The following A2ML1 variants were observed in gnomAD, a reference collection of about 807,000 sequenced individuals.
A2ML1 encodes alpha-2-macroglobulin-like protein 1.
A2ML1 carries 161 observed loss-of-function variants against 181.9 expected under a neutral mutation model. The observed-to-expected ratio is 0.89, with a 90% CI of 0.78 to 1.01. The LOEUF is 1.01. Ranked by LOEUF, A2ML1 falls within the 50% of genes least tolerant of loss-of-function variation. The probability of loss-of-function intolerance (pLI) is 0.00; values close to 1 mark genes in which losing one functional copy is unlikely to be tolerated. For synonymous variants in A2ML1, 663 were observed against 666.8 expected (o/e 0.99, Z 0.09); for missense variants, 1,670 against 1,768.1 (o/e 0.94, Z 1.00).
At chr12:8,848,024 G>A (rs1294571822) in intron 15 of A2ML1, among the ~76,000 whole-genome samples, 2 of 148,136 alleles carry the variant, frequency 1.4e-5, no homozygotes, top group Non-Finnish European at 3.0e-5. Context: ...ATGGGCCCAT[G>A]CCTGTAATCC....
intron 7 of A2ML1, among the ~76,000 whole-genome samples, chr12:8,885,901 C>A (rs1002372232): frequency 2.0e-5 from 3 of 152,090 alleles, no homozygotes; most frequent in Non-Finnish European, 4.4e-5. Context: ...TTTCCCACTA[C>A]ATTACAGCAT....
chr12:8,872,783 C>CAAAAAAA (rs570693086), intron 33 of A2ML1, among the ~76,000 whole-genome samples: 1 of 68,684 alleles, frequency 1.5e-5, no homozygotes, highest in African/African-American at 4.7e-5. Context: ...GACTCCATCT[C>CAAAAAAA]AAAAAAAAAA....
chr12:8,864,083 G>A, intron 29 of A2ML1, 75 bp downstream of exon 29: 2 of 1,392,658 alleles, frequency 1.4e-6, no homozygotes, highest in Non-Finnish European at 2.0e-6. Flanking sequence ...AAAACATATT[G>A]TCCTTGCCTT....
At chr12:8,842,555 C>T (rs766067032) in intron 11 of A2ML1, among the ~76,000 whole-genome samples, 1 of 152,066 alleles carries the variant, frequency 6.6e-6, no homozygotes, top group African/African-American at 2.4e-5. Flanking sequence ...CCCAACAAAT[C>T]GAACAGTGGG....
chr12:8,838,531 C>T (rs1943362482), intron 9 of A2ML1, 81 bp downstream of exon 9: 4 of 1,024,948 alleles, frequency 3.9e-6, no homozygotes, highest in Non-Finnish European at 5.9e-6. Context: ...TCCAAGTATA[C>T]AAGACCTACC....
At chr12:8,861,565 C>G (rs190071869) in intron 28 of A2ML1, among the ~76,000 whole-genome samples, 24 of 149,850 alleles carry the variant, frequency 1.6e-4, no homozygotes, top group Admixed American at 1.3e-4. Flanking sequence ...TCGGCTCACT[C>G]CAAGTTCCGC....
In A2ML1 at chr12:8,857,272, A is replaced by C. The variant is rs767133069; in HGVS notation, c.2957A>C (p.Gln986Pro). ...VLFAPIIYVLQYLEKAGLLTE... is the reference protein window; with the variant it reads ...VLFAPIIYVLPYLEKAGLLTE... The stretch of plus-strand genomic sequence containing the variant: ...TTTGCTCCCATCATCTATGTCTTGC[A>C]GTACCTGGAGAAGGCAGGGCTGCTG... The change falls in exon 24 of 36, where the codon CAG becomes CCG. Residue 986 changes from glutamine (Q) to proline (P), a missense_variant. Coordinates refer to ENST00000299698, the MANE Select transcript of A2ML1 (RefSeq NM_144670.6). 6.2e-7 allele frequency: 1 copy of C among 1,613,868 alleles called. No homozygotes were observed. Among genetic ancestry groups the C allele is most frequent in the South Asian group, 1.1e-5 (1 of 91,072 alleles).
Position 8,835,636 on chromosome 12 carries a change from A to C in A2ML1, c.613A>C (p.Thr205Pro). The change falls in exon 6 of 36, where the codon ACC becomes CCC. Residue 205 changes from threonine (T) to proline (P), a missense_variant. Thr to Pro is a conservative substitution (Grantham distance 38). Coordinates refer to ENST00000299698, the MANE Select transcript of A2ML1 (RefSeq NM_144670.6). ...TYTVAVAEGK[T>P]FGTFSVEEYV... is the part of the protein sequence containing the mutation. ...CACTGTGGCAGTGGCTGAGGGCAAG[A>C]CCTTTGGTACTTTCAGTGTGGAGGA... The C allele has an allele frequency of 6.2e-7, 1 of 1,614,184 alleles. No homozygotes were observed. Among genetic ancestry groups the C allele is most frequent in the South Asian group, 1.1e-5 (1 of 91,086 alleles).
intron 3 of A2ML1, among the ~76,000 whole-genome samples, chr12:8,828,683 A>C (rs1439777100): frequency 6.6e-6 from 1 of 152,036 alleles, no homozygotes; most frequent in Non-Finnish European, 1.5e-5. Context: ...GTCTCTCCCC[A>C]TAGTCACCAC....
At chr12:8,876,791 A>G (rs1200718820), downstream of A2ML1, 1 of 152,194 alleles carries the variant, frequency 6.6e-6, no homozygotes, top group Non-Finnish European at 1.5e-5. Context: ...AAATCTGTGC[A>G]TTTAGTTCTA....
At chr12:8,832,012 A>G (rs762563827) in intron 4 of A2ML1, among the ~76,000 whole-genome samples, 1 of 152,162 alleles carries the variant, frequency 6.6e-6, no homozygotes, top group African/African-American at 2.4e-5. Context: ...GGCCTCCCAA[A>G]GTGCTGGGAT....
chr12:8,843,820 G>T (rs1056548798), intron 12 of A2ML1, among the ~76,000 whole-genome samples: 90 of 150,670 alleles, frequency 6.0e-4, no homozygotes, highest in South Asian at 1.9e-3. Context: ...CCAGGTTCAC[G>T]CCATTCTCCT....
In A2ML1 at chr12:8,869,180, A is replaced by G. The variant is rs1440752572; in HGVS notation, c.4198A>G (p.Thr1400Ala). 1.9e-6 allele frequency: 3 copies of G among 1,614,064 alleles called. No homozygotes were observed. Among genetic ancestry groups the G allele is most frequent in the Non-Finnish European group, 2.5e-6 (3 of 1,180,010 alleles). Residue 1400 changes from threonine to alanine, a missense_variant, in exon 33 of 36, where the codon ACA becomes GCA. Thr to Ala is a moderately conservative substitution (Grantham distance 58, BLOSUM62 0). Transcript: ENST00000299698. Reference protein sequence around the residue: ...LVKKVEFGTDTLNIYLDELIK... With the variant: ...LVKKVEFGTDALNIYLDELIK... ...GAAGAAGGTTGAATTTGGAACTGAC[A>G]CACTTAACATTTACTTGGATGAGGT...
chr12:8,824,334 T>C (rs11047445), intron 3 of A2ML1, among the ~76,000 whole-genome samples: 21,841 of 150,776 alleles, frequency 0.14, 1,988 homozygotes, highest in East Asian at 0.4. Flanking sequence ...GTTTGGGTTT[T>C]TTTTATTTTT....
chr12:8,874,290 A>G (rs1318030880), intron 33 of A2ML1, 135 bp from the exon 34 acceptor site: 1 of 607,308 alleles, frequency 1.6e-6, no homozygotes, highest in African/African-American at 1.9e-5. Context: ...TGCTGGGATT[A>G]GAGGCATGAG....
intron 20 of A2ML1, 35 bp from the exon 21 acceptor site, chr12:8,854,093 A>G (rs763879296): frequency 1.8e-5 from 28 of 1,519,552 alleles, no homozygotes; most frequent in Admixed American, 2.1e-5. Flanking sequence ...ACCTCTGGCA[A>G]TAGGGCTAAT....
At chr12:8,857,739 G>C in intron 25 of A2ML1, 151 bp downstream of exon 25, 1 of 1,107,984 alleles carries the variant, frequency 9.0e-7, no homozygotes, top group Non-Finnish European at 1.3e-6. Context: ...CCTCATGGAT[G>C]GTCAAGTCCC....
chr12:8,842,625 G>A (rs1344453), intron 11 of A2ML1, among the ~76,000 whole-genome samples: 47,930 of 151,978 alleles, frequency 0.32, 7,974 homozygotes, highest in Middle Eastern at 0.37. Context: ...CGGAGGGGGC[G>A]GGGTGCGTGT....
downstream of A2ML1, among the ~76,000 whole-genome samples, chr12:8,877,715 A>C (rs1944827024): frequency 6.6e-6 from 1 of 152,210 alleles, no homozygotes. Context: ...GAGAAAAGGG[A>C]ATGCTAACAC....
Sources: gnomAD v4.1 joint callset for allele counts (sites outside exome capture counted in the v4.1 genomes callset) on GRCh38, gnomAD v4.1.1 for gene constraint, MANE v1.5 for transcripts, NCBI Gene and HGNC (gene_info 2026-07-23, HGNC 2026-07-21) for gene names.